The following DUSP26 variants were observed in gnomAD, a reference collection of about 807,000 sequenced individuals.
DUSP26 encodes the protein dual specificity protein phosphatase 26.
Under a neutral mutation model 20.0 loss-of-function variants are expected in DUSP26, and 12 were observed. The ratio of observed to expected loss-of-function variants is 0.60; its 90% CI spans 0.38 to 0.97. DUSP26 has a LOEUF of 0.97. DUSP26 is among the 50% of genes least tolerant of loss of function. The pLI, the probability that DUSP26 is intolerant of heterozygous loss-of-function variation, is 0.00. For missense variants in DUSP26, 230 were observed against 294.0 expected, an observed-to-expected ratio of 0.78 and a Z score of 1.59; for synonymous variants, 120 against 118.8, an observed-to-expected ratio of 1.01 and a Z score of -0.06.
At chr8:33,597,697 G>T in intron 1 of DUSP26, 106 bp from the exon 2 acceptor site, 1 of 579,914 alleles carries the variant, frequency 1.7e-6, no homozygotes, top group East Asian at 2.9e-5. Flanking sequence ...GAGAAGGTAA[G>T]CCTGGCTCTG....
intron 1 of DUSP26, among the ~76,000 whole-genome samples, chr8:33,599,114 GCCATCATCACCACCACCATCA>G (rs1811213885): frequency 6.6e-6 from 1 of 152,108 alleles, no homozygotes; most frequent in African/African-American, 2.4e-5. Flanking sequence ...TAGCACTACA[GCCATCATCACCACCACCATCA>G]CCATCATCAC....
At chr8:33,593,294 C>G (rs1332066406) in intron 3 of DUSP26, among the ~76,000 whole-genome samples, 3 of 151,898 alleles carry the variant, frequency 2.0e-5, no homozygotes, top group Non-Finnish European at 2.9e-5. Flanking sequence ...AAGAAAAAGT[C>G]GATCACATAT....
rs1178879149 is a variant in DUSP26, at chr8:33,597,520, G to C, written c.-5C>G. ...AAGCCAGTTACCAGGGCACATCTTA[G>C]AGGTGGCAGAAACCGTGGCAGCTGC... On this transcript the variant is annotated 5_prime_UTR_variant, in exon 2 of 4. Coordinates refer to ENST00000256261, the MANE Select transcript of DUSP26 (RefSeq NM_024025.3). 6.2e-7 allele frequency: 1 copy of C among 1,602,412 alleles called. No homozygotes were observed. The highest frequency in any genetic ancestry group is 8.5e-7 in the Non-Finnish European group (1 of 1,174,154).
chr8:33,595,849 C>T (rs61144934), intron 2 of DUSP26, among the ~76,000 whole-genome samples: 2,191 of 152,200 alleles, frequency 0.014, 58 homozygotes, highest in African/African-American at 0.05. Context: ...CCTCCAAGCC[C>T]GGGCTCTGCT....
chr8:33,593,653 A>T lies in DUSP26; in HGVS notation c.316T>A (p.Tyr106Asn). The stretch of plus-strand genomic sequence containing the variant: ...AGGTAGCGGATGCCCAGCCCCTCAT[A>T]GGCCTCGGGCGTGCCTCGCCACCGG... ...HSRWRGTPEAYEGLGIRYLGV... is the reference protein window; with the variant it reads ...HSRWRGTPEANEGLGIRYLGV... The change falls in exon 3 of 4, where the codon TAT (tyrosine) becomes AAT (asparagine). Residue 106 changes from tyrosine to asparagine, a missense_variant. By Grantham distance (143) the Tyr-to-Asn change is moderately radical. Transcript: ENST00000256261. 6.2e-7 allele frequency: 1 copy of T among 1,614,132 alleles called. No homozygotes were observed. Among genetic ancestry groups the T allele is most frequent in the African/African-American group, 1.3e-5 (1 of 75,048 alleles).
chr8:33,592,020 TC>T lies in DUSP26; in HGVS notation c.628del (p.Glu210LysfsTer74). On this transcript the variant is annotated frameshift_variant, in exon 4 of 4. Transcript: ENST00000256261. LOFTEE classifies it high-confidence loss of function. ...ACCTCTCTCCCCCTCCCCTCATGCT[TC>T]CAGACCCTGCCGCAGCCTGCGGTCC... Reference protein sequence around the residue: ...ALDRRLRQGLEA With the variant: ...ALDRRLRQGLXA 6.2e-7 allele frequency: 1 copy of T among 1,613,372 alleles called. No homozygotes were observed. The highest frequency in any genetic ancestry group is 8.5e-7 in the Non-Finnish European group (1 of 1,179,960).
chr8:33,591,996 C>T lies in DUSP26; in HGVS notation c.*17G>A. ...GGACCTACCCACGGGCCTGGCCTGA[C>T]CTCTCTCCCCCTCCCCTCATGCTTC... is the stretch of plus-strand genomic sequence containing the variant. On this transcript the variant is annotated 3_prime_UTR_variant, in exon 4 of 4. Coordinates refer to ENST00000256261, the MANE Select transcript of DUSP26 (RefSeq NM_024025.3). 6.2e-7 allele frequency: 1 copy of T among 1,611,992 alleles called. No individual in the cohort carries two copies. The highest frequency in any genetic ancestry group is 1.7e-5 in the Admixed American group (1 of 59,972).
rs1029426533 is a variant in DUSP26 at position 33,591,868 on chromosome 8, A to G, written c.*145T>C. On this transcript the variant is annotated 3_prime_UTR_variant, in exon 4 of 4. Transcript: ENST00000256261. ...TCCCCGTCCCCTCCCACAAAGAGTG[A>G]CAGTGGCCTGGGGCTCGGCCTCTCC... The G allele has an allele frequency of 4.5e-6, 4 of 898,170 alleles. No homozygotes were observed. Among genetic ancestry groups the G allele is most frequent in the Non-Finnish European group, 6.6e-6 (4 of 606,538 alleles). 55.6% of individuals were successfully genotyped at this position (898,170 alleles called of 1,614,324 possible). A position where few individuals can be genotyped will look rare whatever the true frequency, so the allele number is the denominator to read the frequency against.
At chr8:33,598,157 C>G (rs542490056) in intron 1 of DUSP26, among the ~76,000 whole-genome samples, 1 of 152,154 alleles carries the variant, frequency 6.6e-6, no homozygotes, top group South Asian at 2.1e-4. Flanking sequence ...AGAGATAAAC[C>G]TGCTATGGGA....
At chr8:33,596,377 A>C (rs1033686030) in intron 2 of DUSP26, among the ~76,000 whole-genome samples, 1 of 152,204 alleles carries the variant, frequency 6.6e-6, no homozygotes, top group African/African-American at 2.4e-5. Flanking sequence ...CAGGAGCTCA[A>C]GACCAGCCTG....
rs750874113 is a variant in DUSP26 at position 33,597,260 on chromosome 8, C to T, written c.221+35G>A. 47 of 1,561,038 alleles carry T rather than the reference C, an allele frequency of 3.0e-5. No individual in the cohort carries two copies. In the Admixed American group the frequency reaches 3.0e-4, roughly 10 times the overall value. On this transcript the variant is annotated intron_variant, in intron 2 of 3. Transcript: ENST00000256261. ...TTTCTTACACACACAAACACACACACGCTCTACCGTGGGCCCAGTCTGCCC... is the reference window on the plus strand; with the variant it reads ...TTTCTTACACACACAAACACACACATGCTCTACCGTGGGCCCAGTCTGCCC...
chr8:33,593,690 A>G lies in DUSP26; in HGVS notation c.279T>C (p.Asn93=), dbSNP rs1454870096. The G allele has an allele frequency of 6.2e-7, 1 of 1,614,184 alleles. No homozygotes were observed. The highest frequency in any genetic ancestry group is 8.5e-7 in the Non-Finnish European group (1 of 1,180,022). ...TGCCTCGCCACCGGCTGTGTGAGGC[A>G]TTGAGGACGTGCGTGATGCCCAGGC... is the stretch of plus-strand genomic sequence containing the variant. ...LRRLGITHVL[N]ASHSRWRGTP... is the part of the protein sequence containing the mutation. The change falls in exon 3 of 4, where the codon AAT becomes AAC. Residue 93 remains asparagine (N), a synonymous_variant. Transcript: ENST00000256261.
chr8:33,593,898 C>G (rs1811083250), intron 2 of DUSP26, 151 bp from the exon 3 acceptor site: 1 of 863,802 alleles, frequency 1.2e-6, no homozygotes, highest in African/African-American at 1.7e-5. Flanking sequence ...GTGCTCACTG[C>G]CACCTCCATC....
At chr8:33,597,909 A>ACACACACACACACACACC in intron 1 of DUSP26, 2 of 186,150 alleles carry the variant, frequency 1.1e-5, no homozygotes, top group Admixed American at 5.7e-5. Context: ...ACACACACAC[A>ACACACACACACACACACC]CGGCACTTGG....
At chr8:33,594,595 A>AAAAAC (rs775467942) in intron 2 of DUSP26, among the ~76,000 whole-genome samples, 10 of 151,992 alleles carry the variant, frequency 6.6e-5, no homozygotes, top group East Asian at 1.9e-4. Flanking sequence ...CCATCTCAAA[A>AAAAAC]AAAACAAAAC....
intron 1 of DUSP26, among the ~76,000 whole-genome samples, chr8:33,598,990 C>T (rs1207503655): frequency 6.6e-6 from 1 of 152,212 alleles, no homozygotes; most frequent in Non-Finnish European, 1.5e-5. Context: ...CAAGCACTTA[C>T]AAGGCATTAG....
intron 2 of DUSP26, among the ~76,000 whole-genome samples, chr8:33,594,065 C>T (rs1811087388): frequency 1.3e-5 from 2 of 151,884 alleles, no homozygotes. Flanking sequence ...AGTTATCCTC[C>T]CGCCTCGGCC....
intron 2 of DUSP26, among the ~76,000 whole-genome samples, chr8:33,594,944 G>A (rs762863540): frequency 6.6e-5 from 10 of 152,164 alleles, no homozygotes; most frequent in South Asian, 2.1e-4. Flanking sequence ...AGCTGGTCTC[G>A]AACTCCTGAC....
Position 33,597,882 on chromosome 8 carries a change from T to TACACACACACAC in DUSP26, c.-76-303_-76-292dup, listed in dbSNP as rs150976098. 253 of 152,932 alleles carry TACACACACACAC rather than the reference T, an allele frequency of 1.7e-3. 3 individuals carry two copies. Among genetic ancestry groups the TACACACACACAC allele is most frequent in the African/African-American group, 5.7e-3 (204 of 35,916 alleles). The allele number at this position is 152,932 out of a possible 1,614,324, so 9.5% of individuals were successfully genotyped here. On this transcript the variant is annotated intron_variant, in intron 1 of 3. Transcript: ENST00000256261. ...ACCCCACCCCCACTGCCAGCACGCA[T>TACACACACACAC]ACACACACACACACACACACACACA...
Sources: allele counts gnomAD v4.1 joint callset (sites outside exome capture counted in the v4.1 genomes callset), GRCh38; gene constraint gnomAD v4.1.1; transcripts MANE v1.5; gene names NCBI Gene and HGNC (gene_info 2026-07-23, HGNC 2026-07-21).